Variants in ACVR1 observed in about 807,000 individuals in gnomAD.
The protein encoded by ACVR1 is activin A receptor type 1.
A neutral mutation model predicts 57.1 loss-of-function variants in ACVR1; 38 were observed. That is an observed-to-expected ratio of 0.67 (90% CI 0.51 to 0.87). The LOEUF (loss-of-function observed/expected upper bound fraction) is 0.87, where lower values mean the gene tolerates loss of function less well. ACVR1 is among the 40% of genes least tolerant of loss of function. ACVR1 has a pLI of 0.00. For synonymous variants in ACVR1, 212 were observed against 228.1 expected (o/e 0.93, Z 0.63); for missense variants, 463 against 638.2 (o/e 0.73, Z 2.96).
At chr2:157,862,068 T>C (rs1381248860) in intron 1 of ACVR1, among the ~76,000 whole-genome samples, 1 of 152,242 alleles carries the variant, frequency 6.6e-6, no homozygotes, top group Non-Finnish European at 1.5e-5. Context: ...TTTGAATATT[T>C]ACTTTATCCA....
chr2:157,840,351 G>A (rs1688936021), intron 1 of ACVR1, among the ~76,000 whole-genome samples: 2 of 152,160 alleles, frequency 1.3e-5, no homozygotes, highest in Admixed American at 1.3e-4. Flanking sequence ...GCAAACGAAC[G>A]CATAAATTAT....
chr2:157,760,330 C>T (rs574153268), intron 9 of ACVR1, among the ~76,000 whole-genome samples: 14 of 152,038 alleles, frequency 9.2e-5, no homozygotes, highest in East Asian at 1.9e-4. Flanking sequence ...GATGAAGAGA[C>T]GTTGGTTAAT....
intron 9 of ACVR1, among the ~76,000 whole-genome samples, chr2:157,749,743 A>G (rs1685108327): frequency 6.6e-6 from 1 of 152,152 alleles, no homozygotes; most frequent in Non-Finnish European, 1.5e-5. Context: ...ACTCACCTCT[A>G]GGGCCCAAGC....
In ACVR1 at chr2:157,799,432, A is replaced by C. The variant is rs1687245345; in HGVS notation, c.62T>G (p.Met21Arg). The part of the protein sequence containing the change: ...LIMIALPSPS[M>R]EDEKPKVNPK... Reference sequence around the variant, plus strand: ...AAAAGATGTGAGTCACTTACCTTCCATACTAGGGGAGGGGAGAGCAATCAT... The same window carrying C: ...AAAAGATGTGAGTCACTTACCTTCCCTACTAGGGGAGGGGAGAGCAATCAT... The change falls in exon 3 of 11, where the codon ATG (methionine) becomes AGG (arginine). Residue 21 changes from methionine (M) to arginine (R), a missense_variant. This residue lies in a region of ACVR1 where 203 missense variants were observed against 235.5 expected (regional missense o/e 0.86). Coordinates refer to ENST00000434821, the MANE Select transcript of ACVR1 (RefSeq NM_001111067.4). 6.2e-7 allele frequency: 1 copy of C among 1,611,212 alleles called. No individual in the cohort carries two copies. Among genetic ancestry groups the C allele is most frequent in the African/African-American group, 1.3e-5 (1 of 74,920 alleles).
intron 9 of ACVR1, among the ~76,000 whole-genome samples, chr2:157,746,738 A>T (rs1684980602): frequency 6.6e-6 from 1 of 152,254 alleles, no homozygotes; most frequent in South Asian, 2.1e-4. Context: ...CAGTTTAAAA[A>T]CTATCGATCC....
chr2:157,754,192 C>T (rs1374532250), intron 9 of ACVR1, among the ~76,000 whole-genome samples: 3 of 152,084 alleles, frequency 2.0e-5, no homozygotes, highest in African/African-American at 7.2e-5. Flanking sequence ...TAAGGCCACA[C>T]CTCAAGGAAC....
chr2:157,774,644 A>G (rs567312399), intron 5 of ACVR1, among the ~76,000 whole-genome samples: 5 of 152,348 alleles, frequency 3.3e-5, no homozygotes, highest in South Asian at 2.1e-4. Context: ...GATTACAGGC[A>G]TGAGCCACCA....
At position 157,799,482 on chromosome 2, in the gene ACVR1, T is replaced by C; in HGVS notation, c.12A>G (p.Gly4=). The change falls in exon 3 of 11, where the codon GGA becomes GGG. Residue 4 remains glycine, a synonymous_variant. Transcript: ENST00000434821. MVD[G]VMILPVLIMI... ...TGATAAGCACAGGAAGAATCATCACTCCATCTACCATTGTACAACTGTAAA... is the reference window on the plus strand; with the variant it reads ...TGATAAGCACAGGAAGAATCATCACCCCATCTACCATTGTACAACTGTAAA... The C allele has an allele frequency of 6.2e-7, 1 of 1,611,158 alleles. No individual in the cohort carries two copies. Among genetic ancestry groups the C allele is most frequent in the African/African-American group, 1.3e-5 (1 of 74,894 alleles).
At chr2:157,750,342 T>C (rs1228043363) in intron 9 of ACVR1, among the ~76,000 whole-genome samples, 1 of 152,220 alleles carries the variant, frequency 6.6e-6, no homozygotes, top group Admixed American at 6.5e-5. Context: ...GGTGCTCACA[T>C]ATGCCATCCA....
At chr2:157,820,848 T>C (rs1215161388) in intron 1 of ACVR1, among the ~76,000 whole-genome samples, 1 of 152,240 alleles carries the variant, frequency 6.6e-6, no homozygotes, top group African/African-American at 2.4e-5. Flanking sequence ...GATCACATAT[T>C]ATTCTTCACT....
intron 1 of ACVR1, among the ~76,000 whole-genome samples, chr2:157,822,492 A>C (rs1325068997): frequency 6.6e-6 from 1 of 152,248 alleles, no homozygotes; most frequent in Non-Finnish European, 1.5e-5. Context: ...AATTTCCAGG[A>C]ATTTCTCCAG....
chr2:157,783,494 T>C (rs1056997583), intron 3 of ACVR1, among the ~76,000 whole-genome samples: 1 of 152,220 alleles, frequency 6.6e-6, no homozygotes, highest in African/African-American at 2.4e-5. Flanking sequence ...GATTCATCTG[T>C]TTATTAAGCA....
Position 157,833,636 on chromosome 2 carries a change from AACGAGTT to A in ACVR1, c.-182-15084_-182-15078del, listed in dbSNP as rs1017220745. Among the ~76,000 whole-genome samples, 13 of 152,300 alleles carry A rather than the reference AACGAGTT, an allele frequency of 8.5e-5. 1 individual carries two copies. The highest frequency in any genetic ancestry group is 7.2e-4 in the Admixed American group (11 of 15,302). ...CTGTCAACAATTACAAGAAAAATTC[AACGAGTT>A]TCAGGTCACTAAACCTTAGTCCATT... On this transcript the variant is annotated intron_variant, in intron 1 of 10. Coordinates refer to ENST00000434821, the MANE Select transcript of ACVR1 (RefSeq NM_001111067.4).
chr2:157,872,733 A>C (rs1004339078), intron 1 of ACVR1, among the ~76,000 whole-genome samples: 1 of 152,184 alleles, frequency 6.6e-6, no homozygotes, highest in African/African-American at 2.4e-5. Context: ...ATATTCCCTA[A>C]GTAATCATTA....
chr2:157,792,977 G>A (rs1346317216), intron 3 of ACVR1, among the ~76,000 whole-genome samples: 3 of 152,126 alleles, frequency 2.0e-5, no homozygotes, highest in African/African-American at 4.8e-5. Context: ...AGTTCATCCC[G>A]GGCTGCAGAG....
chr2:157,784,147 G>A (rs1686626624), intron 3 of ACVR1, among the ~76,000 whole-genome samples: 3 of 152,132 alleles, frequency 2.0e-5, no homozygotes, highest in South Asian at 4.2e-4. Context: ...TCAAATTTAG[G>A]AATAAGCATA....
At chr2:157,834,760 A>G (rs1574128102) in intron 1 of ACVR1, among the ~76,000 whole-genome samples, 1 of 152,138 alleles carries the variant, frequency 6.6e-6, no homozygotes, top group Admixed American at 6.6e-5. Flanking sequence ...TTGTAACCTA[A>G]TCACCAATGG....
At chr2:157,841,871 T>A (rs1430988530) in intron 1 of ACVR1, among the ~76,000 whole-genome samples, 2 of 151,734 alleles carry the variant, frequency 1.3e-5, no homozygotes, top group East Asian at 2.0e-4. Flanking sequence ...AAAATATTTT[T>A]AAAAAATTAG....
At chr2:157,836,459 C>T (rs1000585562) in intron 1 of ACVR1, among the ~76,000 whole-genome samples, 1 of 152,160 alleles carries the variant, frequency 6.6e-6, no homozygotes, top group Admixed American at 6.5e-5. Context: ...TTCCTTATTG[C>T]TCCTCCCTAC....
Sources: gnomAD v4.1 joint callset for allele counts (sites outside exome capture counted in the v4.1 genomes callset) on GRCh38, gnomAD v4.1.1 for gene constraint, gnomAD v4.1.1 regional missense constraint, MANE v1.5 for transcripts, NCBI Gene and HGNC (gene_info 2026-07-23, HGNC 2026-07-21) for gene names.